LNX1: variants seen among roughly 807,000 people sequenced by gnomAD.
LNX1 encodes the protein ligand of numb-protein X 1.
LNX1 carries 54 observed loss-of-function variants against 68.4 expected under a neutral mutation model. The observed-to-expected ratio is 0.79, with a 90% CI of 0.63 to 0.99. The LOEUF (loss-of-function observed/expected upper bound fraction) is 0.99. Among genes scored for constraint, LNX1 ranks in the 50% least tolerant of loss-of-function variants. The pLI, the probability that LNX1 is intolerant of heterozygous loss-of-function variation, is 0.00. For missense variants in LNX1, 906 were observed against 926.4 expected (o/e 0.98, Z 0.29); for synonymous variants, 336 against 350.0 (o/e 0.96, Z 0.45).
chr4:53,588,677 C>T (rs1178069530), intron 1 of LNX1, among the ~76,000 whole-genome samples: 7 of 152,158 alleles, frequency 4.6e-5, no homozygotes, highest in East Asian at 1.9e-4. Context: ...ACCATTTTAG[C>T]GTCCTTTGGG....
chr4:53,558,385 G>A, intron 2 of LNX1: 1 of 501,268 alleles, frequency 2.0e-6, no homozygotes, highest in Non-Finnish European at 2.6e-6. Context: ...ACCCCACGGT[G>A]TGAATAATTA....
In LNX1 at chr4:53,597,616, T is replaced by G. The variant is rs1732808954; in HGVS notation, c.-214-6101A>C. Among the ~76,000 whole-genome samples the G allele has an allele frequency of 2.0e-5, 3 of 152,154 alleles. No homozygotes were observed. In the South Asian group the frequency reaches 6.2e-4, roughly 32 times the overall value. On this transcript the variant is annotated intron_variant, in intron 2 of 3. Coordinates refer to the LNX1 transcript ENST00000504299. ...TCCTGTCTTGAAAGTGAGCCAGAGC[T>G]TTCGTCTGTGGCTCCACACTCTGAG...
At chr4:53,594,963 C>T (rs1396194956), upstream of LNX1, among the ~76,000 whole-genome samples, 1 of 152,178 alleles carries the variant, frequency 6.6e-6, no homozygotes, top group Non-Finnish European at 1.5e-5. Flanking sequence ...CCTCCCACCT[C>T]GGCCTCCCAA....
chr4:53,516,407 A>AT (rs1726789924), intron 2 of LNX1, among the ~76,000 whole-genome samples: 2 of 152,194 alleles, frequency 1.3e-5, no homozygotes, highest in African/African-American at 4.8e-5. Context: ...TGAAAACAGA[A>AT]AAACCTCCAT....
rs146354804 is a variant in LNX1, at chr4:53,495,650, C to A, written c.1350+373G>T. 7.2e-3 allele frequency among the ~76,000 whole-genome samples: 1,083 copies of A among 150,638 alleles called. 13 individuals carry two copies. Among genetic ancestry groups the A allele is most frequent in the African/African-American group, 0.025 (1,024 of 40,834 alleles). On this transcript the variant is annotated intron_variant, in intron 6 of 10. Transcript: ENST00000263925. ...CTCCGCCTCCCAGTTTCAAGTGATT[C>A]TCCTGCCTCAGCCTCTTGAGTAGCT... is the stretch of plus-strand genomic sequence containing the variant.
intron 1 of LNX1, among the ~76,000 whole-genome samples, chr4:53,642,332 A>T (rs1047502471): frequency 1.7e-4 from 26 of 152,204 alleles, no homozygotes; most frequent in African/African-American, 6.3e-4. Flanking sequence ...AGACCTATAA[A>T]ATATGCTATA....
intron 4 of LNX1, among the ~76,000 whole-genome samples, chr4:53,503,497 G>T (rs1402976047): frequency 6.6e-6 from 1 of 152,188 alleles, no homozygotes; most frequent in Non-Finnish European, 1.5e-5. Context: ...TTATCAATGA[G>T]TAGCAATATT....
At chr4:53,573,077 C>T (rs192046881) in intron 2 of LNX1, among the ~76,000 whole-genome samples, 2 of 152,302 alleles carry the variant, frequency 1.3e-5, no homozygotes, top group African/African-American at 4.8e-5. Context: ...GAAATCTGCT[C>T]ATACACCCTC....
rs1219261645 is a variant in LNX1, at chr4:53,523,009, A to G, written c.381-14782T>C. ...ATCCAGTGGTTCTTAACCTTGGCTG[A>G]GCAACAGACCCATTTGGGAAGATTT... On this transcript the variant is annotated intron_variant, in intron 2 of 10. Coordinates refer to ENST00000263925, the MANE Select transcript of LNX1 (RefSeq NM_001126328.3). The G allele has an allele frequency of 2.0e-5, 3 of 152,358 alleles. No individual in the cohort carries two copies. The East Asian group carries it at 5.8e-4, about 29-fold the overall frequency. The allele number at this position is 152,358 out of a possible 1,614,324, so 9.4% of individuals were successfully genotyped here.
At chr4:53,485,796 G>A (rs1724250425) in intron 6 of LNX1, among the ~76,000 whole-genome samples, 1 of 152,176 alleles carries the variant, frequency 6.6e-6, no homozygotes, top group Admixed American at 6.5e-5. Flanking sequence ...GTGAGTGTGA[G>A]GAGGGGGAGT....
intron 2 of LNX1, among the ~76,000 whole-genome samples, chr4:53,611,762 T>C (rs186494681): frequency 2.4e-3 from 360 of 152,144 alleles, no homozygotes; most frequent in Non-Finnish European, 4.5e-3. Flanking sequence ...GAATGAAAAA[T>C]ATAAAAGGTA....
chr4:53,560,290 A>T (rs1283554249), intron 2 of LNX1, among the ~76,000 whole-genome samples: 1 of 152,188 alleles, frequency 6.6e-6, no homozygotes, highest in African/African-American at 2.4e-5. Context: ...ATCTTTTATT[A>T]AAAAAGGATG....
At chr4:53,603,681 G>C (rs1358522127) in intron 2 of LNX1, 1 of 152,250 alleles carries the variant, frequency 6.6e-6, no homozygotes, top group East Asian at 1.9e-4. Flanking sequence ...TTTAAACCAC[G>C]TCTTGCAAGA....
chr4:53,553,406 G>A (rs1729653563), intron 2 of LNX1, among the ~76,000 whole-genome samples: 2 of 152,150 alleles, frequency 1.3e-5, no homozygotes, highest in African/African-American at 2.4e-5. Flanking sequence ...ATTTTAGTAG[G>A]TTTGATTTAG....
intron 2 of LNX1, among the ~76,000 whole-genome samples, chr4:53,562,512 T>C (rs1212817584): frequency 1.3e-5 from 2 of 152,212 alleles, no homozygotes; most frequent in Non-Finnish European, 2.9e-5. Flanking sequence ...CTACAGCCAG[T>C]CCTAAATGTT....
chr4:53,591,718 G>T, upstream of LNX1: 2 of 325,820 alleles, frequency 6.1e-6, no homozygotes, highest in Non-Finnish European at 8.8e-6. Context: ...AATTTGCCAG[G>T]TGGAATTTAC....
intron 2 of LNX1, among the ~76,000 whole-genome samples, chr4:53,551,724 G>A (rs1275529105): frequency 4.6e-5 from 7 of 152,226 alleles, no homozygotes; most frequent in East Asian, 1.9e-4. Context: ...CAAGTCACCC[G>A]CTTGGCCCTC....
intron 4 of LNX1, among the ~76,000 whole-genome samples, chr4:53,503,352 A>G (rs1374968015): frequency 6.6e-6 from 1 of 152,174 alleles, no homozygotes; most frequent in Non-Finnish European, 1.5e-5. Flanking sequence ...TTCGAAATTT[A>G]TTTCTTAAAT....
intron 2 of LNX1, among the ~76,000 whole-genome samples, chr4:53,614,900 G>T (rs1213321595): frequency 6.6e-6 from 1 of 152,042 alleles, no homozygotes; most frequent in Non-Finnish European, 1.5e-5. Flanking sequence ...TCAGAATCTG[G>T]CTCCCTTTTA....
Sources: allele counts gnomAD v4.1 joint callset (sites outside exome capture counted in the v4.1 genomes callset), GRCh38; gene constraint gnomAD v4.1.1; transcripts MANE v1.5; gene names NCBI Gene and HGNC (gene_info 2026-07-23, HGNC 2026-07-21).